The following DAB1 variants were observed in gnomAD, a reference collection of about 807,000 sequenced individuals.
DAB1 encodes the protein disabled homolog 1.
In DAB1, 15 loss-of-function variants were observed where a neutral mutation model predicts 64.6. The ratio of observed to expected loss-of-function variants is 0.23; its 90% confidence interval spans 0.16 to 0.36. DAB1 has a LOEUF of 0.36. DAB1 is among the 10% of genes least tolerant of loss of function. The pLI is 1.00. For synonymous variants in DAB1, 235 were observed against 251.9 expected (o/e 0.93, Z 0.64); for missense variants, 596 against 706.7 (o/e 0.84, Z 1.78).
Position 57,003,854 on chromosome 1 carries a change from C to G in DAB1, c.*16-5726G>C, listed in dbSNP as rs901803329. ...AATGAACTTGACAAATATATACACC[C>G]ATGTCAGCTATAGAGCATTTCTTCA... is the stretch of plus-strand genomic sequence containing the variant. On this transcript the variant is annotated intron_variant, in intron 14 of 14. Transcript: ENST00000371236. Among the ~76,000 whole-genome samples the G allele has an allele frequency of 3.0e-4, 45 of 152,286 alleles. 1 individual carries two copies. Among genetic ancestry groups the G allele is most frequent in the Admixed American group, 7.2e-4 (11 of 15,306 alleles).
intron 1 of DAB1, among the ~76,000 whole-genome samples, chr1:57,308,864 T>C (rs558585308): frequency 6.6e-6 from 1 of 152,166 alleles, no homozygotes; most frequent in East Asian, 1.9e-4. Context: ...GTAACCAAGC[T>C]AAGATCAAAG....
At chr1:57,142,941 A>G (rs1658756001) in intron 3 of DAB1, among the ~76,000 whole-genome samples, 1 of 152,180 alleles carries the variant, frequency 6.6e-6, no homozygotes, top group Non-Finnish European at 1.5e-5. Flanking sequence ...TCCACTTGCC[A>G]GACTTCATAT....
At chr1:57,117,865 G>GA (rs1488952339) in intron 4 of DAB1, among the ~76,000 whole-genome samples, 1 of 151,448 alleles carries the variant, frequency 6.6e-6, no homozygotes, top group African/African-American at 2.4e-5. Flanking sequence ...AAAGTAGTGG[G>GA]ATTTTTGAGG....
intron 1 of DAB1, among the ~76,000 whole-genome samples, chr1:57,379,020 G>C (rs1681139089): frequency 6.6e-6 from 1 of 152,162 alleles, no homozygotes; most frequent in Admixed American, 6.5e-5. Context: ...GTCTCTGTTA[G>C]TTCTTGGGGA....
chr1:58,230,079 C>T (rs981988932), intron 4 of DAB1, among the ~76,000 whole-genome samples: 3 of 152,150 alleles, frequency 2.0e-5, no homozygotes, highest in Non-Finnish European at 4.4e-5. Flanking sequence ...CCATGGCTCC[C>T]TTACTATGGA....
intron 6 of DAB1, among the ~76,000 whole-genome samples, chr1:57,699,982 A>G (rs1055766999): frequency 1.3e-5 from 2 of 152,154 alleles, no homozygotes; most frequent in Admixed American, 6.6e-5. Context: ...TAGTATGATT[A>G]TCCCTTCTCC....
chr1:57,230,605 C>A (rs1257390480), intron 2 of DAB1, among the ~76,000 whole-genome samples: 2 of 151,920 alleles, frequency 1.3e-5, no homozygotes, highest in Admixed American at 6.6e-5. Context: ...CATGTCACAA[C>A]TTTGTGATTT....
chr1:57,309,866 AG>A (rs1450906563), intron 1 of DAB1, among the ~76,000 whole-genome samples: 1 of 152,230 alleles, frequency 6.6e-6, no homozygotes, highest in Non-Finnish European at 1.5e-5. Flanking sequence ...GATCACAATT[AG>A]TGACTTTCAG....
chr1:57,359,071 A>T (rs1050289118), intron 1 of DAB1, among the ~76,000 whole-genome samples: 24 of 151,960 alleles, frequency 1.6e-4, no homozygotes, highest in African/African-American at 7.2e-5. Context: ...TCTCAAGAGC[A>T]TAGGTAACGA....
rs533970830 is a variant in DAB1 at position 57,875,830 on chromosome 1, A to C, written n.87+8169T>G. 5.9e-5 allele frequency among the ~76,000 whole-genome samples: 9 copies of C among 152,348 alleles called. No homozygotes were observed. In the East Asian group the frequency reaches 1.7e-3, roughly 29 times the overall value. ...TACTTAATAAAAAGAGATCTGGGTC[A>C]AATGAAAAATTTAAAGTCAATATGA... On this transcript the variant is annotated intron_variant and non_coding_transcript_variant, in intron 1 of 1. Coordinates refer to the DAB1 transcript ENST00000477280.
chr1:58,481,257 CA>C (rs1645477390), intron 3 of DAB1: 6 of 471,094 alleles, frequency 1.3e-5, no homozygotes, highest in African/African-American at 2.0e-5. Flanking sequence ...TAATATGCTC[CA>C]TGTAAAACAA....
chr1:58,212,961 C>A (rs1310637509), intron 4 of DAB1, among the ~76,000 whole-genome samples: 2 of 152,158 alleles, frequency 1.3e-5, no homozygotes, highest in Non-Finnish European at 2.9e-5. Flanking sequence ...TGGTATTTTG[C>A]TGCCTCAGAA....
At chr1:58,283,431 T>C (rs1226358678) in intron 4 of DAB1, among the ~76,000 whole-genome samples, 2 of 152,108 alleles carry the variant, frequency 1.3e-5, no homozygotes, top group Non-Finnish European at 2.9e-5. Flanking sequence ...CATAGCTTTC[T>C]ACCCTGACCA....
At chr1:57,197,210 G>A (rs1307466190) in intron 2 of DAB1, among the ~76,000 whole-genome samples, 1 of 152,102 alleles carries the variant, frequency 6.6e-6, no homozygotes, top group Admixed American at 6.5e-5. Flanking sequence ...CAGGCATGGT[G>A]GCACGTGTCT....
intron 9 of DAB1, among the ~76,000 whole-genome samples, chr1:57,031,394 A>G (rs1646962846): frequency 6.6e-6 from 1 of 152,234 alleles, no homozygotes; most frequent in Admixed American, 6.5e-5. Context: ...GAATCATTTT[A>G]AAAGCCTCAA....
rs184558278 is a variant in DAB1, at chr1:57,171,351, A to G, written c.68-25922T>C. Among the ~76,000 whole-genome samples the G allele has an allele frequency of 5.9e-5, 9 of 152,320 alleles. No individual in the cohort carries two copies. The East Asian group carries it at 1.5e-3, about 26-fold the overall frequency. ...AGGTGGTTTGTGTTTGCTTAGTACA[A>G]TGCAAATCACTGAGGATGTTTGCAG... On this transcript the variant is annotated intron_variant, in intron 2 of 14. Coordinates refer to ENST00000371236, the MANE Select transcript of DAB1 (RefSeq NM_001365792.1).
chr1:58,085,766 C>T lies in DAB1; in HGVS notation n.387+64745G>A, dbSNP rs145912223. On this transcript the variant is annotated intron_variant and non_coding_transcript_variant, in intron 5 of 20. Coordinates refer to the DAB1 transcript ENST00000485760. ...TTCCCCCTACACGCTCCAACCCTCA[C>T]CCACTTTTCCTATTGGGGTGCTGTT... is the stretch of plus-strand genomic sequence containing the variant. 3.7e-3 allele frequency among the ~76,000 whole-genome samples: 561 copies of T among 152,200 alleles called. 5 individuals are homozygous for T. The highest frequency in any genetic ancestry group is 0.017 in the Middle Eastern group (5 of 294).
chr1:58,277,702 A>G (rs1661483224), intron 4 of DAB1, among the ~76,000 whole-genome samples: 2 of 152,246 alleles, frequency 1.3e-5, no homozygotes, highest in African/African-American at 2.4e-5. Context: ...ATAATTTATA[A>G]TAAAGTAAAA....
chr1:57,253,807 G>A (rs1669553585), intron 2 of DAB1, among the ~76,000 whole-genome samples: 1 of 151,934 alleles, frequency 6.6e-6, no homozygotes, highest in Non-Finnish European at 1.5e-5. Context: ...GCATTGAAGG[G>A]GGAAGGATGC....
Sources: gnomAD v4.1 joint callset for allele counts (sites outside exome capture counted in the v4.1 genomes callset) on GRCh38, gnomAD v4.1.1 for gene constraint, MANE v1.5 for transcripts, NCBI Gene and HGNC (gene_info 2026-07-23, HGNC 2026-07-21) for gene names.